Variants in PTPRG observed in about 807,000 individuals in gnomAD.
The protein encoded by PTPRG is protein tyrosine phosphatase receptor type G.
In PTPRG, 102 loss-of-function variants were observed where a neutral mutation model predicts 165.3. That is an observed-to-expected ratio of 0.62 (90% CI 0.53 to 0.73). PTPRG has a LOEUF of 0.73. PTPRG is among the 30% of genes least tolerant of loss of function. PTPRG has a pLI of 0.00. For missense variants in PTPRG, 1,866 were observed against 1,861.4 expected (o/e 1.00, Z -0.05); for synonymous variants, 675 against 669.5 (o/e 1.01, Z -0.13).
intron 1 of PTPRG, among the ~76,000 whole-genome samples, chr3:61,614,765 A>G (rs1701259592): frequency 6.6e-6 from 1 of 152,214 alleles, no homozygotes; most frequent in African/African-American, 2.4e-5. Context: ...GAATGAATGA[A>G]TTAAAATATA....
intron 3 of PTPRG, among the ~76,000 whole-genome samples, chr3:61,995,752 CCT>C (rs1470648386): frequency 5.6e-5 from 8 of 143,422 alleles, no homozygotes; most frequent in Non-Finnish European, 9.1e-5. Context: ...TCCTTCCCTC[CCT>C]CTCTCCCTCC....
intron 1 of PTPRG, among the ~76,000 whole-genome samples, chr3:61,629,373 T>C: frequency 6.6e-6 from 1 of 152,118 alleles, no homozygotes; most frequent in East Asian, 1.9e-4. Context: ...CAGGCTGGTC[T>C]TGAAACTCCT....
chr3:61,562,183 C>G lies in PTPRG; in HGVS notation c.-105C>G. 1 of 982,856 alleles carries G rather than the reference C, an allele frequency of 1.0e-6. No homozygotes were observed. Among genetic ancestry groups the G allele is most frequent in the Non-Finnish European group, 1.5e-6 (1 of 649,442 alleles). 60.9% of individuals were successfully genotyped at this position (982,856 alleles called of 1,614,324 possible). A position where few individuals can be genotyped will look rare whatever the true frequency, so the allele number is the denominator to read the frequency against. ...GAGCGCGGGGGGCCCGTGGAGCGGG[C>G]GAGCCGGGGAAGCGCCCCGGCTTAG... On this transcript the variant is annotated 5_prime_UTR_variant, in exon 1 of 30. Coordinates refer to ENST00000474889, the MANE Select transcript of PTPRG (RefSeq NM_002841.4).
chr3:61,644,442 A>G (rs1422789202), intron 1 of PTPRG, among the ~76,000 whole-genome samples: 1 of 152,176 alleles, frequency 6.6e-6, no homozygotes, highest in African/African-American at 2.4e-5. Context: ...AAGCTGCTCA[A>G]GGGAATTCAG....
chr3:62,165,901 G>T (rs575657121), intron 7 of PTPRG, among the ~76,000 whole-genome samples: 2 of 152,252 alleles, frequency 1.3e-5, no homozygotes, highest in Admixed American at 1.3e-4. Context: ...AACAGTGGGG[G>T]TTAGTTCCAG....
At chr3:61,750,694 C>T (rs563904884) in intron 2 of PTPRG, 19 of 152,230 alleles carry the variant, frequency 1.2e-4, no homozygotes, top group Non-Finnish European at 2.6e-4. Context: ...AAAGTACCCA[C>T]TGACAATTCT....
intron 2 of PTPRG, among the ~76,000 whole-genome samples, chr3:61,892,745 G>A (rs977428859): frequency 6.6e-6 from 1 of 151,462 alleles, no homozygotes; most frequent in Non-Finnish European, 1.5e-5. Context: ...GAACCCGGGA[G>A]GGGGAGGTTG....
Position 61,998,301 on chromosome 3 carries a change from A to G in PTPRG, c.371-5048A>G, listed in dbSNP as rs116591043. On this transcript the variant is annotated intron_variant, in intron 3 of 29. Transcript: ENST00000474889. ...CTTTACATCATGGGGAGCCCCAGACATAGGGAGAATCTGGTGAAATCTGTG... is the reference window on the plus strand; with the variant it reads ...CTTTACATCATGGGGAGCCCCAGACGTAGGGAGAATCTGGTGAAATCTGTG... 4.3e-3 allele frequency among the ~76,000 whole-genome samples: 652 copies of G among 152,288 alleles called. 2 individuals carry two copies. Among genetic ancestry groups the G allele is most frequent in the African/African-American group, 0.015 (626 of 41,544 alleles).
chr3:61,842,615 G>T (rs1262937566), intron 2 of PTPRG, among the ~76,000 whole-genome samples: 4 of 140,506 alleles, frequency 2.8e-5, no homozygotes, highest in African/African-American at 8.1e-5. Context: ...AACACAACTT[G>T]TTTCCTTTTT....
chr3:62,046,460 A>C (rs1165299144), intron 4 of PTPRG, among the ~76,000 whole-genome samples: 1 of 152,192 alleles, frequency 6.6e-6, no homozygotes, highest in Non-Finnish European at 1.5e-5. Context: ...ACACTTCCTG[A>C]GCCTGTGCCA....
intron 28 of PTPRG, among the ~76,000 whole-genome samples, chr3:62,290,691 TAAG>T (rs1184435903): frequency 1.1e-4 from 16 of 152,002 alleles, no homozygotes; most frequent in Admixed American, 2.0e-4. Flanking sequence ...CACTGTAAAA[TAAG>T]AAGTGCTGGG....
intron 16 of PTPRG, among the ~76,000 whole-genome samples, chr3:62,260,518 G>T (rs534122767): frequency 6.6e-6 from 1 of 152,028 alleles, no homozygotes; most frequent in Admixed American, 6.6e-5. Context: ...TTTTATGTTG[G>T]CCTTCTCCTA....
At chr3:61,581,270 C>A (rs1700286782) in intron 1 of PTPRG, among the ~76,000 whole-genome samples, 1 of 152,204 alleles carries the variant, frequency 6.6e-6, no homozygotes, top group South Asian at 2.1e-4. Context: ...TTTTGTCTTT[C>A]TTTCATGCCA....
intron 1 of PTPRG, among the ~76,000 whole-genome samples, chr3:61,578,368 T>C (rs1223160288): frequency 6.6e-6 from 1 of 152,192 alleles, no homozygotes; most frequent in African/African-American, 2.4e-5. Context: ...TATAATTTCA[T>C]GTATTTCATG....
At chr3:61,994,963 C>T (rs755940263) in intron 3 of PTPRG, among the ~76,000 whole-genome samples, 30 of 152,044 alleles carry the variant, frequency 2.0e-4, no homozygotes, top group Non-Finnish European at 3.2e-4. Flanking sequence ...CCGCTTGTCT[C>T]TTCCAAGGTC....
At chr3:61,586,644 G>A (rs945619418) in intron 1 of PTPRG, among the ~76,000 whole-genome samples, 1 of 152,210 alleles carries the variant, frequency 6.6e-6, no homozygotes, top group Non-Finnish European at 1.5e-5. Flanking sequence ...GACCAATAGG[G>A]TTGTGAGAAT....
At chr3:61,979,901 G>A (rs567514745) in intron 2 of PTPRG, among the ~76,000 whole-genome samples, 5 of 152,194 alleles carry the variant, frequency 3.3e-5, no homozygotes, top group Non-Finnish European at 1.5e-5. Context: ...GTGCTGTTGA[G>A]TGAGTGCCTT....
intron 6 of PTPRG, among the ~76,000 whole-genome samples, chr3:62,149,753 G>A (rs1012624764): frequency 6.6e-6 from 1 of 152,150 alleles, no homozygotes; most frequent in Non-Finnish European, 1.5e-5. Context: ...GGCCGGTCTA[G>A]ACTTAACCCA....
chr3:62,239,276 T>C (rs192100867), intron 14 of PTPRG, among the ~76,000 whole-genome samples: 3 of 152,132 alleles, frequency 2.0e-5, no homozygotes, highest in Admixed American at 2.0e-4. Flanking sequence ...TAGACCTAGA[T>C]AGAAAATTGA....
Sources: gnomAD v4.1 joint callset for allele counts (sites outside exome capture counted in the v4.1 genomes callset) on GRCh38, gnomAD v4.1.1 for gene constraint, MANE v1.5 for transcripts, NCBI Gene and HGNC (gene_info 2026-07-23, HGNC 2026-07-21) for gene names.